The following SACM1L variants were observed in gnomAD, a reference collection of about 807,000 sequenced individuals.
SACM1L encodes phosphatidylinositol-3-phosphatase SAC1.
In SACM1L, 32 loss-of-function variants were observed where a neutral mutation model predicts 89.5. The observed-to-expected ratio is 0.36, with a 90% CI of 0.27 to 0.48. SACM1L has a LOEUF of 0.48. SACM1L is among the 20% of genes least tolerant of loss of function. The pLI is 0.99. For missense variants in SACM1L, 543 were observed against 708.5 expected, an observed-to-expected ratio of 0.77 and a Z score of 2.65; for synonymous variants, 213 against 232.8, an observed-to-expected ratio of 0.92 and a Z score of 0.77.
chr3:45,720,304 T>G (rs1698758891), intron 8 of SACM1L, among the ~76,000 whole-genome samples: 1 of 152,196 alleles, frequency 6.6e-6, no homozygotes, highest in South Asian at 2.1e-4. Context: ...TGTAACTAGA[T>G]TTTCTTGGAT....
At chr3:45,739,743 A>G (rs957886628) in intron 19 of SACM1L, 99 bp downstream of exon 19, 12 of 1,060,764 alleles carry the variant, frequency 1.1e-5, no homozygotes, top group African/African-American at 1.1e-4. Flanking sequence ...ATGTTTCCCT[A>G]TTAAATTTAA....
chr3:45,691,214 A>C (rs1697978961), intron 1 of SACM1L, among the ~76,000 whole-genome samples: 1 of 152,116 alleles, frequency 6.6e-6, no homozygotes, highest in African/African-American at 2.4e-5. Flanking sequence ...TCATTCTCTC[A>C]TTTGTCAGTC....
At chr3:45,731,421 ATG>A (rs1699051247) in intron 12 of SACM1L, 41 bp downstream of exon 12, 1 of 1,346,196 alleles carries the variant, frequency 7.4e-7, no homozygotes, top group Non-Finnish European at 1.1e-6. Flanking sequence ...TTCAGATCAG[ATG>A]TGCACTTACA....
intron 1 of SACM1L, among the ~76,000 whole-genome samples, chr3:45,700,448 G>A (rs1444469842): frequency 6.6e-6 from 1 of 152,152 alleles, no homozygotes; most frequent in Non-Finnish European, 1.5e-5. Flanking sequence ...TGTCCTGGAT[G>A]TAAAAGTAAA....
At chr3:45,739,561 T>A (rs754400569) in intron 18 of SACM1L, 26 bp from the exon 19 acceptor site, 20 of 1,610,094 alleles carry the variant, frequency 1.2e-5, no homozygotes, top group Non-Finnish European at 8.5e-7. Flanking sequence ...TCTTAAATGA[T>A]GATCTCTTTC....
At chr3:45,698,262 T>C (rs1444533322) in intron 1 of SACM1L, among the ~76,000 whole-genome samples, 1 of 152,200 alleles carries the variant, frequency 6.6e-6, no homozygotes, top group African/African-American at 2.4e-5. Flanking sequence ...TGCCGTGAGT[T>C]AGGATGATAC....
chr3:45,708,258 C>T (rs907353382), intron 4 of SACM1L, among the ~76,000 whole-genome samples: 2 of 152,148 alleles, frequency 1.3e-5, no homozygotes, highest in African/African-American at 2.4e-5. Flanking sequence ...TGTTTTTGCT[C>T]GGAGTGTGTA....
chr3:45,739,537 C>A, intron 18 of SACM1L, 50 bp from the exon 19 acceptor site: 1 of 1,550,408 alleles, frequency 6.4e-7, no homozygotes, highest in Non-Finnish European at 8.9e-7. Context: ...GATTTTGCTG[C>A]CATTGATTAG....
At chr3:45,718,319 G>C (rs1216539355) in intron 7 of SACM1L, among the ~76,000 whole-genome samples, 1 of 151,134 alleles carries the variant, frequency 6.6e-6, no homozygotes, top group Non-Finnish European at 1.5e-5. Flanking sequence ...GTCAAAAGCT[G>C]TTCAGACTAA....
At chr3:45,696,783 G>A (rs968497321) in intron 1 of SACM1L, among the ~76,000 whole-genome samples, 2 of 152,104 alleles carry the variant, frequency 1.3e-5, no homozygotes, top group Non-Finnish European at 2.9e-5. Flanking sequence ...GAAATAAGAC[G>A]TGAATGTTAC....
chr3:45,691,418 C>A (rs542490116), intron 1 of SACM1L, among the ~76,000 whole-genome samples: 3 of 152,120 alleles, frequency 2.0e-5, no homozygotes, highest in Admixed American at 2.0e-4. Flanking sequence ...AAGGAGTATT[C>A]TTTTTTGGAT....
At chr3:45,728,723 T>TGTGC (rs1698982358) in intron 11 of SACM1L, among the ~76,000 whole-genome samples, 1 of 152,192 alleles carries the variant, frequency 6.6e-6, no homozygotes, top group Admixed American at 6.5e-5. Flanking sequence ...CCCAGGCTTG[T>TGTGC]GTGCAGTGGC....
intron 18 of SACM1L, 97 bp downstream of exon 18, chr3:45,738,970 A>G (rs953205091): frequency 1.1e-5 from 8 of 726,514 alleles, no homozygotes; most frequent in East Asian, 7.5e-5. Flanking sequence ...ATGTGGTTTT[A>G]TATTTCATTA....
chr3:45,735,075 G>A (rs1293015431), intron 13 of SACM1L, 160 bp from the exon 14 acceptor site: 1 of 630,778 alleles, frequency 1.6e-6, no homozygotes, highest in Admixed American at 3.8e-5. Context: ...CTTCTTTTTG[G>A]TCTAGGATAA....
intron 1 of SACM1L, among the ~76,000 whole-genome samples, chr3:45,700,085 T>A (rs928995683): frequency 6.6e-6 from 1 of 152,016 alleles, no homozygotes; most frequent in African/African-American, 2.4e-5. Context: ...GTGGTCAGAG[T>A]GTAGGAAGGG....
chr3:45,735,704 A>G (rs1699183231), intron 14 of SACM1L, among the ~76,000 whole-genome samples: 1 of 152,168 alleles, frequency 6.6e-6, no homozygotes, highest in Non-Finnish European at 1.5e-5. Context: ...GTTATTATTA[A>G]CTTGAATTAT....
intron 1 of SACM1L, among the ~76,000 whole-genome samples, chr3:45,695,266 CTT>C (rs11366079): frequency 4.7e-5 from 7 of 147,448 alleles, no homozygotes; most frequent in East Asian, 2.0e-4. Flanking sequence ...TGATTTAATT[CTT>C]TTTTTTTTTT....
chr3:45,743,811 T>C lies in SACM1L; in HGVS notation c.*142T>C. The C allele has an allele frequency of 1.3e-6, 1 of 758,250 alleles. No homozygotes were observed. The highest frequency in any genetic ancestry group is 2.0e-6 in the Non-Finnish European group (1 of 491,540). 47.0% of individuals were successfully genotyped at this position (758,250 alleles called of 1,614,324 possible). A position where few individuals can be genotyped will look rare whatever the true frequency, so the allele number is the denominator to read the frequency against. On this transcript the variant is annotated 3_prime_UTR_variant, in exon 20 of 20. Transcript: ENST00000389061. The stretch of plus-strand genomic sequence containing the variant: ...ACATCTTGTGCTCCATGCAGGATGA[T>C]GACAGAATTGATCTGATGTTACTGC...
At chr3:45,727,643 G>T (rs137974489) in intron 11 of SACM1L, among the ~76,000 whole-genome samples, 19 of 152,126 alleles carry the variant, frequency 1.2e-4, no homozygotes, top group African/African-American at 4.1e-4. Context: ...TTTGGAGATG[G>T]TGTCTCACTC....
Sources: allele counts gnomAD v4.1 joint callset (sites outside exome capture counted in the v4.1 genomes callset), GRCh38; gene constraint gnomAD v4.1.1; transcripts MANE v1.5; gene names NCBI Gene and HGNC (gene_info 2026-07-23, HGNC 2026-07-21).